Variants in HSD17B4 observed in about 807,000 individuals in gnomAD.
HSD17B4 encodes hydroxysteroid 17-beta dehydrogenase 4, also known as peroxisomal multifunctional enzyme type 2.
HSD17B4 carries 70 observed loss-of-function variants against 101.0 expected under a neutral mutation model. That is an observed-to-expected ratio of 0.69 (90% confidence interval 0.57 to 0.85). The LOEUF (loss-of-function observed/expected upper bound fraction) is 0.85. HSD17B4 is among the 40% of genes least tolerant of loss of function. HSD17B4 has a pLI of 0.00. For synonymous variants in HSD17B4, 347 were observed against 297.1 expected (o/e 1.17, Z -1.73); for missense variants, 984 against 892.4 (o/e 1.10, Z -1.31).
intron 17 of HSD17B4, among the ~76,000 whole-genome samples, chr5:119,520,125 A>G (rs1420198078): frequency 6.6e-6 from 1 of 152,018 alleles, no homozygotes; most frequent in African/African-American, 2.4e-5. Flanking sequence ...AACCAAAAAA[A>G]TTACCATACA....
At chr5:119,537,434 A>G (rs1184138139) in intron 23 of HSD17B4, among the ~76,000 whole-genome samples, 1 of 152,144 alleles carries the variant, frequency 6.6e-6, no homozygotes, top group East Asian at 1.9e-4. Flanking sequence ...AATAATATGT[A>G]TGAAGAGCTT....
chr5:119,473,254 TG>T (rs758011105), intron 2 of HSD17B4, among the ~76,000 whole-genome samples: 4 of 148,138 alleles, frequency 2.7e-5, no homozygotes, highest in Admixed American at 1.3e-4. Context: ...TCTTTTCTTT[TG>T]CTGAAAAGTG....
In HSD17B4 at chr5:119,497,806, CT is replaced by C. The variant is rs779378062; in HGVS notation, c.972+1164del. ...TTTGAACATAAGCTCAGATATTAAA[CT>C]TTTGCTTTTTCTTTTTCAGTACCAT... On this transcript the variant is annotated intron_variant, in intron 12 of 23. Transcript: ENST00000510025. Among the ~76,000 whole-genome samples, 74 of 152,168 alleles carry C rather than the reference CT, an allele frequency of 4.9e-4. 1 individual carries two copies. Among genetic ancestry groups the C allele is most frequent in the South Asian group, 2.3e-3 (11 of 4,818 alleles).
At chr5:119,504,334 T>C (rs868686855) in intron 14 of HSD17B4, among the ~76,000 whole-genome samples, 10 of 152,226 alleles carry the variant, frequency 6.6e-5, no homozygotes, top group Admixed American at 3.9e-4. Context: ...AGTTCTGTTT[T>C]AAGTTCTTTG....
At chr5:119,491,428 C>T (rs541570798) in intron 9 of HSD17B4, among the ~76,000 whole-genome samples, 6 of 147,992 alleles carry the variant, frequency 4.1e-5, no homozygotes, top group South Asian at 2.1e-4. Flanking sequence ...TTTGAAGTGA[C>T]AAACAGATTT....
chr5:119,457,130 T>G (rs1175109649), intron 2 of HSD17B4, among the ~76,000 whole-genome samples: 1 of 152,194 alleles, frequency 6.6e-6, no homozygotes, highest in East Asian at 1.9e-4. Flanking sequence ...TCTAATGTGC[T>G]TGACAGTTGG....
At chr5:119,505,371 C>G (rs1229654278) in intron 14 of HSD17B4, among the ~76,000 whole-genome samples, 2 of 152,064 alleles carry the variant, frequency 1.3e-5, no homozygotes, top group Admixed American at 1.3e-4. Flanking sequence ...TTCTTCCAAC[C>G]CATGAGTATG....
At chr5:119,514,026 A>G (rs369006533) in intron 16 of HSD17B4, among the ~76,000 whole-genome samples, 29 of 152,202 alleles carry the variant, frequency 1.9e-4, no homozygotes, top group African/African-American at 6.5e-4. Context: ...CTCGGGACCT[A>G]TAGATTGAAG....
At position 119,496,534 on chromosome 5, in the gene HSD17B4, T is replaced by A; in HGVS notation, c.869-9T>A. ...CTTTATTTTTTTTGTTTTTCATTTT[T>A]CATTTTAGAATCAACTGGCAGTATA... is the stretch of plus-strand genomic sequence containing the variant. On this transcript the variant is annotated splice_polypyrimidine_tract_variant and intron_variant, in intron 11 of 23. Coordinates refer to ENST00000510025, the MANE Select transcript of HSD17B4 (RefSeq NM_000414.4). 1 of 1,426,414 alleles carries A rather than the reference T, an allele frequency of 7.0e-7. No homozygotes were observed. The highest frequency in any genetic ancestry group is 9.9e-7 in the Non-Finnish European group (1 of 1,009,414). 88.4% of individuals were successfully genotyped at this position (1,426,414 alleles called of 1,614,324 possible).
chr5:119,538,868 G>A (rs1244936449), intron 23 of HSD17B4, among the ~76,000 whole-genome samples: 2 of 152,076 alleles, frequency 1.3e-5, no homozygotes, highest in African/African-American at 4.8e-5. Flanking sequence ...ATTTATAACA[G>A]GCTTTAATTA....
intron 23 of HSD17B4, among the ~76,000 whole-genome samples, chr5:119,540,509 T>C (rs12187149): frequency 0.28 from 42,137 of 152,092 alleles, 7,017 homozygotes; most frequent in East Asian, 0.4. Context: ...GTTGTAAATC[T>C]CTTTCAGAGT....
chr5:119,489,105 G>A, intron 8 of HSD17B4, 87 bp from the exon 9 acceptor site: 1 of 894,194 alleles, frequency 1.1e-6, no homozygotes, highest in South Asian at 1.4e-5. Context: ...CTATTTTAAA[G>A]GTCTCTGAAT....
chr5:119,527,289 GT>G, intron 20 of HSD17B4, 70 bp downstream of exon 20: 1 of 884,162 alleles, frequency 1.1e-6, no homozygotes, highest in Non-Finnish European at 1.9e-6. Context: ...TTTTTTTTTG[GT>G]TAGTACTATG....
Position 119,527,224 on chromosome 5 carries a change from G to A in HSD17B4, c.1767+5G>A, listed in dbSNP as rs1753684353. 2 of 1,579,356 alleles carry A rather than the reference G, an allele frequency of 1.3e-6. No homozygotes were observed. Among genetic ancestry groups the A allele is most frequent in the Non-Finnish European group, 1.7e-6 (2 of 1,149,210 alleles). ...AGAATTCATTTTCAAACCAAGGTAT[G>A]AATTTTGCTTTTTCACCCTTCTCAC... is the stretch of plus-strand genomic sequence containing the variant. On this transcript the variant is annotated splice_donor_5th_base_variant and intron_variant, in intron 20 of 23. Coordinates refer to ENST00000510025, the MANE Select transcript of HSD17B4 (RefSeq NM_000414.4).
intron 13 of HSD17B4, among the ~76,000 whole-genome samples, chr5:119,500,533 A>C (rs1440104236): frequency 6.6e-6 from 1 of 152,082 alleles, no homozygotes; most frequent in Non-Finnish European, 1.5e-5. Context: ...TTACACATTT[A>C]AGTGGAAATA....
At chr5:119,530,070 A>G in intron 21 of HSD17B4, 90 bp downstream of exon 21, 1 of 793,060 alleles carries the variant, frequency 1.3e-6, no homozygotes, top group Non-Finnish European at 2.3e-6. Flanking sequence ...ACGTTAGAAA[A>G]TTAACAACCA....
chr5:119,522,190 G>T (rs537407797), intron 17 of HSD17B4, among the ~76,000 whole-genome samples: 2 of 152,108 alleles, frequency 1.3e-5, no homozygotes, highest in South Asian at 4.2e-4. Flanking sequence ...GTGGTGTTTG[G>T]TTTTTTGTCC....
At position 119,478,955 on chromosome 5, in the gene HSD17B4, A is replaced by C. The variant is rs199755823; in HGVS notation, c.556A>C (p.Asn186His). The C allele has an allele frequency of 6.2e-7, 1 of 1,613,752 alleles. No homozygotes were observed. Among genetic ancestry groups the C allele is most frequent in the African/African-American group, 1.3e-5 (1 of 75,006 alleles). ...NSLAIEGRKS[N>H]IHCNTIAPNA... Reference sequence around the variant, plus strand: ...TCTTGCAATTGAAGGCAGGAAAAGCAACATTCATTGTAACACCATTGCTCC... The same window carrying C: ...TCTTGCAATTGAAGGCAGGAAAAGCCACATTCATTGTAACACCATTGCTCC... The change falls in exon 8 of 24, where the codon AAC (asparagine) becomes CAC (histidine). Residue 186 changes from asparagine (N) to histidine (H), a missense_variant. Transcript: ENST00000510025.
In HSD17B4 at chr5:119,475,693, T is replaced by G. The variant is rs1748514349; in HGVS notation, c.281-13T>G. The G allele has an allele frequency of 6.3e-7, 1 of 1,581,766 alleles. No homozygotes were observed. The highest frequency in any genetic ancestry group is 8.7e-7 in the Non-Finnish European group (1 of 1,152,930). On this transcript the variant is annotated splice_polypyrimidine_tract_variant and intron_variant, in intron 4 of 23. Coordinates refer to ENST00000510025, the MANE Select transcript of HSD17B4 (RefSeq NM_000414.4). Reference sequence around the variant, plus strand: ...TTGCTTTTAGATGTAACTTGTATCTTTTTATATTGTAGATGTTGTGGTCAA... The same window carrying G: ...TTGCTTTTAGATGTAACTTGTATCTGTTTATATTGTAGATGTTGTGGTCAA...
Sources: gnomAD v4.1 joint callset for allele counts (sites outside exome capture counted in the v4.1 genomes callset) on GRCh38, gnomAD v4.1.1 for gene constraint, MANE v1.5 for transcripts, NCBI Gene and HGNC (gene_info 2026-07-23, HGNC 2026-07-21) for gene names.